Variants in MDGA2 observed in about 807,000 individuals in gnomAD.
MDGA2 encodes MAM domain-containing glycosylphosphatidylinositol anchor protein 2.
Under a neutral mutation model 117.8 loss-of-function variants are expected in MDGA2, and 40 were observed. The ratio of observed to expected loss-of-function variants is 0.34; its 90% confidence interval spans 0.26 to 0.44. The LOEUF is 0.44. Ranked by LOEUF, MDGA2 falls within the 20% of genes least tolerant of loss-of-function variation. The pLI is 1.00. For missense variants in MDGA2, 1,123 were observed against 1,250.6 expected, an observed-to-expected ratio of 0.90 and a Z score of 1.54; for synonymous variants, 452 against 439.0, an observed-to-expected ratio of 1.03 and a Z score of -0.37.
chr14:47,580,208 T>G (rs1896203674), intron 1 of MDGA2, among the ~76,000 whole-genome samples: 1 of 152,072 alleles, frequency 6.6e-6, no homozygotes, highest in Non-Finnish European at 1.5e-5. Flanking sequence ...AGAAATTTAT[T>G]GCTTACGTTT....
At chr14:47,602,509 GA>G (rs1251226027) in intron 1 of MDGA2, among the ~76,000 whole-genome samples, 3 of 151,638 alleles carry the variant, frequency 2.0e-5, no homozygotes, top group Admixed American at 2.0e-4. Flanking sequence ...CAGGAAAAAA[GA>G]GACCACCTAT....
chr14:46,957,647 T>C lies in MDGA2; in HGVS notation c.1820-4A>G, dbSNP rs1885616438. ...GCTGGTTCCACTGCAGGGGGATCTG[T>C]AGAAAAGATATGTAAAAACAGATGA... On this transcript the variant is annotated splice_region_variant and splice_polypyrimidine_tract_variant and intron_variant, in intron 8 of 16. Transcript: ENST00000399232. The C allele has an allele frequency of 6.2e-7, 1 of 1,613,726 alleles. No homozygotes were observed. Among genetic ancestry groups the C allele is most frequent in the Non-Finnish European group, 8.5e-7 (1 of 1,179,758 alleles).
intron 1 of MDGA2, among the ~76,000 whole-genome samples, chr14:47,641,420 T>C (rs1050264172): frequency 1.3e-5 from 2 of 152,042 alleles, no homozygotes; most frequent in African/African-American, 4.8e-5. Flanking sequence ...TCTGTTTACA[T>C]GAGTCCAGGT....
At chr14:47,664,535 G>C (rs1369110534) in intron 1 of MDGA2, among the ~76,000 whole-genome samples, 1 of 152,198 alleles carries the variant, frequency 6.6e-6, no homozygotes. Context: ...ACTCGATGTG[G>C]AAACTGAGGG....
intron 7 of MDGA2, chr14:47,058,453 T>C: frequency 1.1e-6 from 1 of 882,200 alleles, no homozygotes; most frequent in East Asian, 1.2e-4. Context: ...TTTCTTTGAC[T>C]CACTCATCCC....
In MDGA2 at chr14:46,965,661, A is replaced by T. The variant is rs1195510811; in HGVS notation, c.1820-8018T>A. ...CATTTTAAGCATACTAGCTATTAATAGTTGGACATTTCATTCTTTGGAATA... is the reference window on the plus strand; with the variant it reads ...CATTTTAAGCATACTAGCTATTAATTGTTGGACATTTCATTCTTTGGAATA... On this transcript the variant is annotated intron_variant, in intron 8 of 16. Coordinates refer to ENST00000399232, the MANE Select transcript of MDGA2 (RefSeq NM_001113498.3). 2.0e-5 allele frequency among the ~76,000 whole-genome samples: 3 copies of T among 152,186 alleles called. No homozygotes were observed. In the East Asian group the frequency reaches 5.8e-4, roughly 29 times the overall value.
intron 1 of MDGA2, among the ~76,000 whole-genome samples, chr14:47,517,904 C>T (rs1243048626): frequency 6.6e-6 from 1 of 152,056 alleles, no homozygotes; most frequent in Non-Finnish European, 1.5e-5. Context: ...TCTTAAATTT[C>T]CTCACTTTGT....
At chr14:47,445,847 G>A (rs991487677) in intron 1 of MDGA2, among the ~76,000 whole-genome samples, 1 of 152,098 alleles carries the variant, frequency 6.6e-6, no homozygotes, top group Non-Finnish European at 1.5e-5. Flanking sequence ...AGCACAAACA[G>A]AAAAAGCAAA....
At chr14:47,432,050 C>A (rs1892810204) in intron 1 of MDGA2, among the ~76,000 whole-genome samples, 1 of 151,962 alleles carries the variant, frequency 6.6e-6, no homozygotes, top group Non-Finnish European at 1.5e-5. Context: ...ACATAAATGA[C>A]CAACTCTTGA....
intron 3 of MDGA2, among the ~76,000 whole-genome samples, chr14:47,151,171 T>A (rs939953491): frequency 5.3e-5 from 8 of 152,156 alleles, no homozygotes; most frequent in Admixed American, 4.6e-4. Flanking sequence ...AAAAGAGGGA[T>A]TAGGCAGTGG....
At chr14:47,190,604 C>A (rs138714345) in intron 3 of MDGA2, among the ~76,000 whole-genome samples, 18 of 152,314 alleles carry the variant, frequency 1.2e-4, no homozygotes, top group Non-Finnish European at 2.6e-4. Flanking sequence ...AAAAGTGCAT[C>A]TCTACAAGGT....
chr14:47,591,115 T>G (rs541146095), intron 1 of MDGA2, among the ~76,000 whole-genome samples: 2 of 152,058 alleles, frequency 1.3e-5, no homozygotes, highest in African/African-American at 2.4e-5. Flanking sequence ...TATGGAATCT[T>G]ATAACATTTT....
chr14:47,413,281 T>C (rs780227533), intron 1 of MDGA2, among the ~76,000 whole-genome samples: 33 of 152,210 alleles, frequency 2.2e-4, no homozygotes, highest in South Asian at 4.1e-4. Flanking sequence ...TGTACTTGGT[T>C]AATTGCTGAA....
chr14:46,879,056 A>G (rs1184919033), intron 11 of MDGA2, among the ~76,000 whole-genome samples: 1 of 152,094 alleles, frequency 6.6e-6, no homozygotes, highest in Non-Finnish European at 1.5e-5. Context: ...CATATTATAG[A>G]CAATTGTGTC....
intron 3 of MDGA2, among the ~76,000 whole-genome samples, chr14:47,170,341 T>A (rs190978345): frequency 5.3e-5 from 8 of 152,274 alleles, no homozygotes; most frequent in Admixed American, 5.2e-4. Context: ...AGGAAATAAA[T>A]CATAATAACA....
intron 4 of MDGA2, among the ~76,000 whole-genome samples, chr14:47,135,783 A>T (rs897461834): frequency 2.0e-5 from 3 of 152,082 alleles, no homozygotes; most frequent in Non-Finnish European, 2.9e-5. Flanking sequence ...TCATCAAATT[A>T]GTTATGTCAC....
intron 2 of MDGA2, among the ~76,000 whole-genome samples, chr14:47,299,991 T>C (rs1268701688): frequency 6.6e-6 from 1 of 152,230 alleles, no homozygotes; most frequent in African/African-American, 2.4e-5. Context: ...TTATTAAACA[T>C]ATTTTACCAT....
At chr14:47,098,051 C>T (rs1386994361) in intron 5 of MDGA2, among the ~76,000 whole-genome samples, 1 of 151,570 alleles carries the variant, frequency 6.6e-6, no homozygotes, top group Non-Finnish European at 1.5e-5. Flanking sequence ...AGGAGAAATA[C>T]ATTATAATGA....
At chr14:46,899,693 C>A (rs1883211634) in intron 10 of MDGA2, among the ~76,000 whole-genome samples, 1 of 151,890 alleles carries the variant, frequency 6.6e-6, no homozygotes, top group Non-Finnish European at 1.5e-5. Flanking sequence ...ACAAAACTAT[C>A]CTCAAGGAAA....
Sources: allele counts gnomAD v4.1 joint callset (sites outside exome capture counted in the v4.1 genomes callset), GRCh38; gene constraint gnomAD v4.1.1; transcripts MANE v1.5; gene names NCBI Gene and HGNC (gene_info 2026-07-23, HGNC 2026-07-21).